Variants in CFAP299 observed in about 807,000 individuals in gnomAD.
CFAP299 encodes cilia and flagella associated protein 299.
Under a neutral mutation model 27.0 loss-of-function variants are expected in CFAP299, and 21 were observed. The observed-to-expected ratio is 0.78, with a 90% CI of 0.55 to 1.12. The LOEUF is 1.12. CFAP299 is among the 50% of genes most tolerant of loss of function. CFAP299 has a pLI of 0.00. For synonymous variants in CFAP299, 104 were observed against 98.1 expected (o/e 1.06, Z -0.36); for missense variants, 310 against 276.6 (o/e 1.12, Z -0.86).
At chr4:80,906,654 A>G (rs1735200013) in intron 4 of CFAP299, among the ~76,000 whole-genome samples, 1 of 152,062 alleles carries the variant, frequency 6.6e-6, no homozygotes, top group Admixed American at 6.6e-5. Context: ...CAGGACCATC[A>G]CTGTGTGGAA....
rs988650255 is a variant in CFAP299 at position 80,421,248 on chromosome 4, G to A, written c.242+58364G>A. Among the ~76,000 whole-genome samples the A allele has an allele frequency of 2.6e-5, 4 of 152,110 alleles. No homozygotes were observed. In the East Asian group the frequency reaches 5.8e-4, roughly 22 times the overall value. On this transcript the variant is annotated intron_variant, in intron 2 of 5. Transcript: ENST00000358105. ...CTGTTTTGCATTCTCATTACTTTAT[G>A]TAAGTGCCTCTATTAGATTACAGTC... is the stretch of plus-strand genomic sequence containing the variant.
intron 2 of CFAP299, among the ~76,000 whole-genome samples, chr4:80,485,200 T>C (rs1272311706): frequency 1.3e-5 from 2 of 151,236 alleles, no homozygotes; most frequent in East Asian, 3.9e-4. Context: ...AGCCCTTAGC[T>C]CTAACTACAA....
At chr4:80,641,446 A>G (rs1030930558) in intron 3 of CFAP299, among the ~76,000 whole-genome samples, 1 of 152,066 alleles carries the variant, frequency 6.6e-6, no homozygotes, top group African/African-American at 2.4e-5. Flanking sequence ...TTGGTGATCC[A>G]CCTGCCTCAG....
At chr4:80,823,034 C>T (rs1729790665) in intron 3 of CFAP299, among the ~76,000 whole-genome samples, 1 of 152,126 alleles carries the variant, frequency 6.6e-6, no homozygotes, top group Non-Finnish European at 1.5e-5. Context: ...TTTTAAGCAG[C>T]AATGCAGCTG....
At chr4:80,540,057 A>T (rs1733927604) in intron 2 of CFAP299, among the ~76,000 whole-genome samples, 1 of 152,214 alleles carries the variant, frequency 6.6e-6, no homozygotes. Flanking sequence ...GTGCACAGGC[A>T]ATTGTGTTTT....
chr4:80,742,681 T>C (rs1420967000), intron 3 of CFAP299, among the ~76,000 whole-genome samples: 1 of 152,114 alleles, frequency 6.6e-6, no homozygotes, highest in Non-Finnish European at 1.5e-5. Flanking sequence ...ATGATGATAA[T>C]CAAAAGCTGA....
chr4:80,342,366 C>T (rs927695152), intron 1 of CFAP299, among the ~76,000 whole-genome samples: 1 of 152,064 alleles, frequency 6.6e-6, no homozygotes, highest in African/African-American at 2.4e-5. Context: ...ACACATAATC[C>T]TCAGATTCTC....
At chr4:80,546,412 G>C (rs1042317496) in intron 2 of CFAP299, among the ~76,000 whole-genome samples, 2 of 152,228 alleles carry the variant, frequency 1.3e-5, no homozygotes, top group Admixed American at 1.3e-4. Context: ...TAGTAATGCT[G>C]CTTACCAAGG....
intron 3 of CFAP299, among the ~76,000 whole-genome samples, chr4:80,601,018 A>G (rs949406335): frequency 1.3e-5 from 2 of 152,134 alleles, no homozygotes; most frequent in African/African-American, 4.8e-5. Context: ...TTGAATGCTT[A>G]ACAAATATTA....
chr4:80,899,849 C>T (rs1047313593), intron 4 of CFAP299, among the ~76,000 whole-genome samples: 4 of 152,092 alleles, frequency 2.6e-5, no homozygotes, highest in African/African-American at 4.8e-5. Context: ...ATACCTGCCT[C>T]AAAGGGTTGT....
At chr4:80,601,408 A>G (rs151221997) in intron 3 of CFAP299, among the ~76,000 whole-genome samples, 1 of 152,320 alleles carries the variant, frequency 6.6e-6, no homozygotes, top group East Asian at 1.9e-4. Context: ...TCATATGAAT[A>G]AATAAATGCT....
At chr4:80,781,212 T>A (rs1217529398) in intron 3 of CFAP299, among the ~76,000 whole-genome samples, 1 of 152,020 alleles carries the variant, frequency 6.6e-6, no homozygotes, top group Non-Finnish European at 1.5e-5. Context: ...AGTAACTTCG[T>A]GGAAAATTTT....
chr4:80,670,286 G>A (rs114454500), intron 3 of CFAP299, among the ~76,000 whole-genome samples: 14,645 of 151,984 alleles, frequency 0.096, 1,070 homozygotes, highest in East Asian at 0.23. Context: ...ATGATTTCCA[G>A]GTTCACCCAT....
At chr4:80,614,501 A>C (rs1738170073) in intron 3 of CFAP299, among the ~76,000 whole-genome samples, 1 of 152,210 alleles carries the variant, frequency 6.6e-6, no homozygotes, top group Non-Finnish European at 1.5e-5. Flanking sequence ...TTTGATTTGC[A>C]AGGCGGGAAA....
chr4:80,848,395 C>G (rs1278639016), intron 3 of CFAP299, among the ~76,000 whole-genome samples: 1 of 152,112 alleles, frequency 6.6e-6, no homozygotes, highest in Non-Finnish European at 1.5e-5. Context: ...TCGCACAAAC[C>G]TAGACGCCTA....
intron 3 of CFAP299, among the ~76,000 whole-genome samples, chr4:80,724,072 T>C (rs185931707): frequency 6.6e-6 from 1 of 152,280 alleles, no homozygotes; most frequent in Admixed American, 6.5e-5. Flanking sequence ...TCCAACTCTG[T>C]AGCTCTCTAA....
At chr4:80,916,381 G>A in intron 4 of CFAP299, among the ~76,000 whole-genome samples, 1 of 147,990 alleles carries the variant, frequency 6.8e-6, no homozygotes, top group Non-Finnish European at 1.5e-5. Flanking sequence ...TACATTATTT[G>A]ATGCTAGGTA....
chr4:80,607,792 T>C (rs1242814714), intron 3 of CFAP299, among the ~76,000 whole-genome samples: 1 of 152,172 alleles, frequency 6.6e-6, no homozygotes, highest in Non-Finnish European at 1.5e-5. Flanking sequence ...TAATTTAAGT[T>C]GTGCAAGGAG....
intron 3 of CFAP299, among the ~76,000 whole-genome samples, chr4:80,621,492 A>T (rs935608994): frequency 4.0e-5 from 6 of 151,792 alleles, no homozygotes; most frequent in African/African-American, 1.5e-4. Context: ...CTCTTCTGAC[A>T]CAATATCATT....
Sources: allele counts gnomAD v4.1 joint callset (sites outside exome capture counted in the v4.1 genomes callset), GRCh38; gene constraint gnomAD v4.1.1; transcripts MANE v1.5; gene names NCBI Gene and HGNC (gene_info 2026-07-23, HGNC 2026-07-21).